Variants in CDC42SE1 observed in about 807,000 individuals in gnomAD.
The protein encoded by CDC42SE1 is CDC42 small effector 1, also known as CDC42 small effector protein 1.
CDC42SE1 carries 10 observed loss-of-function variants against 10.9 expected under a neutral mutation model. That is an observed-to-expected ratio of 0.92 (90% confidence interval 0.57 to 1.56). The LOEUF (loss-of-function observed/expected upper bound fraction) is 1.56, where lower values mean the gene tolerates loss of function less well. CDC42SE1 is among the 40% of genes most tolerant of loss of function. The pLI is 0.00. For synonymous variants in CDC42SE1, 24 were observed against 32.0 expected (o/e 0.75, Z 0.85); for missense variants, 81 against 100.8 (o/e 0.80, Z 0.84).
Position 151,054,286 on chromosome 1 carries a change from T to A in CDC42SE1, c.201A>T (p.Gly67=). The part of the protein sequence containing the change: ...GAVQEQMRSK[G]NRDRPWSNSR... ...AATTGCTCCATGGCCTATCTCGGTTTCCCTTGGATCTCATCTGCTCCTGAA... is the reference window on the plus strand; with the variant it reads ...AATTGCTCCATGGCCTATCTCGGTTACCCTTGGATCTCATCTGCTCCTGAA... The change falls in exon 4 of 5, where the codon GGA becomes GGT. Residue 67 remains glycine (G), a synonymous_variant. Coordinates refer to ENST00000357235, the MANE Select transcript of CDC42SE1 (RefSeq NM_020239.4). 6.2e-7 allele frequency: 1 copy of A among 1,613,990 alleles called. No individual in the cohort carries two copies. The highest frequency in any genetic ancestry group is 1.6e-4 in the Middle Eastern group (1 of 6,062).
rs587600942 is a variant in CDC42SE1 at position 151,051,300 on chromosome 1, T to G, written c.*2044A>C. 1 of 143,372 alleles carries G rather than the reference T, an allele frequency of 7.0e-6. No homozygotes were observed. The highest frequency in any genetic ancestry group is 2.6e-5 in the African/African-American group (1 of 38,674). 8.9% of individuals were successfully genotyped at this position (143,372 alleles called of 1,614,324 possible). On this transcript the variant is annotated 3_prime_UTR_variant, in exon 5 of 5. Transcript: ENST00000357235. The stretch of plus-strand genomic sequence containing the variant: ...TTTAGAGCAACAAGCTGGGTTACTT[T>G]CAGAGCAACCAGCTTGACTGGAACT...
Position 151,057,696 on chromosome 1 carries a change from A to T in CDC42SE1, c.-263-1703T>A, listed in dbSNP as rs1433354655. On this transcript the variant is annotated intron_variant, in intron 1 of 4. Coordinates refer to ENST00000357235, the MANE Select transcript of CDC42SE1 (RefSeq NM_020239.4). This position sits in a 1 kb window ranked among gnomAD's most constrained non-coding sequence, Gnocchi z 4.0. Reference sequence around the variant, plus strand: ...GGACAAGACCCTGTCTCAAATACAAAACACACACACACACACACACACACA... The same window carrying T: ...GGACAAGACCCTGTCTCAAATACAATACACACACACACACACACACACACA... 1 of 138,450 alleles carries T rather than the reference A, an allele frequency of 7.2e-6. No homozygotes were observed. Among genetic ancestry groups the T allele is most frequent in the Admixed American group, 7.2e-5 (1 of 13,844 alleles). 8.6% of individuals were successfully genotyped at this position (138,450 alleles called of 1,614,324 possible).
Position 151,055,837 on chromosome 1 carries a change from T to C in CDC42SE1, c.-107A>G. On this transcript the variant is annotated 5_prime_UTR_variant, in exon 2 of 5. Coordinates refer to ENST00000357235, the MANE Select transcript of CDC42SE1 (RefSeq NM_020239.4). ...ACTCTCCCCAGATACACCACCACCC[T>C]GGGTTCACTCAGCTGGATGGGTCCA... 1 of 921,362 alleles carries C rather than the reference T, an allele frequency of 1.1e-6. No homozygotes were observed. Among genetic ancestry groups the C allele is most frequent in the Middle Eastern group, 2.2e-4 (1 of 4,638 alleles). The allele number at this position is 921,362 out of a possible 1,614,324, so 57.1% of individuals were successfully genotyped here. A position where few individuals can be genotyped will look rare whatever the true frequency, so the allele number is the denominator to read the frequency against.
chr1:151,058,967 A>T (rs1385646848), intron 1 of CDC42SE1: 1 of 152,310 alleles, frequency 6.6e-6, no homozygotes, highest in Non-Finnish European at 1.5e-5. Flanking sequence ...ACCCCGAGAC[A>T]TGGAGGGCTG....
chr1:151,051,790 A>C lies in CDC42SE1; in HGVS notation c.*1554T>G, dbSNP rs1213206513. 1 of 152,514 alleles carries C rather than the reference A, an allele frequency of 6.6e-6. No individual in the cohort carries two copies. Among genetic ancestry groups the C allele is most frequent in the East Asian group, 1.9e-4 (1 of 5,188 alleles). The allele number at this position is 152,514 out of a possible 1,614,324, so 9.4% of individuals were successfully genotyped here. On this transcript the variant is annotated 3_prime_UTR_variant, in exon 5 of 5. Coordinates refer to ENST00000357235, the MANE Select transcript of CDC42SE1 (RefSeq NM_020239.4). ...GTCTAGGACTAGGGCACAGAAATAG[A>C]GCTTAAAATTTGGGGAGGATAAGGA...
Position 151,057,247 on chromosome 1 carries a change from C to T in CDC42SE1, c.-263-1254G>A, listed in dbSNP as rs1676296020. On this transcript the variant is annotated intron_variant, in intron 1 of 4. Coordinates refer to ENST00000357235, the MANE Select transcript of CDC42SE1 (RefSeq NM_020239.4). This position sits in a 1 kb window ranked among gnomAD's most constrained non-coding sequence, Gnocchi z 4.0. ...ATTTAAAAACAAGAGATAGGCCGGG[C>T]GTGGTGGCTCACGCCTGTAATCCCA... Among the ~76,000 whole-genome samples, 1 of 152,212 alleles carries T rather than the reference C, an allele frequency of 6.6e-6. No homozygotes were observed. Among genetic ancestry groups the T allele is most frequent in the Non-Finnish European group, 1.5e-5 (1 of 68,030 alleles).
chr1:151,051,222 C>T lies in CDC42SE1; in HGVS notation c.*2122G>A, dbSNP rs970359359. The T allele has an allele frequency of 2.0e-5, 3 of 151,812 alleles. No homozygotes were observed. Among genetic ancestry groups the T allele is most frequent in the Middle Eastern group, 3.2e-3 (1 of 316 alleles). The allele number at this position is 151,812 out of a possible 1,614,324, so 9.4% of individuals were successfully genotyped here. A position where few individuals can be genotyped will look rare whatever the true frequency, so the allele number is the denominator to read the frequency against. Reference sequence around the variant, plus strand: ...TCTAGGAGTCTCTAACCTTTCCACCCTATCCTGTTAACCCTTTAGATCTCT... The same window carrying T: ...TCTAGGAGTCTCTAACCTTTCCACCTTATCCTGTTAACCCTTTAGATCTCT... On this transcript the variant is annotated 3_prime_UTR_variant, in exon 5 of 5. Transcript: ENST00000357235.
At chr1:151,054,605 C>G (rs1676246047) in intron 3 of CDC42SE1, among the ~76,000 whole-genome samples, 1 of 152,162 alleles carries the variant, frequency 6.6e-6, no homozygotes, top group African/African-American at 2.4e-5. Context: ...GACCCATTTC[C>G]CTTATTTTGG....
chr1:151,054,196 G>T, intron 4 of CDC42SE1, 35 bp downstream of exon 4: 2 of 1,303,140 alleles, frequency 1.5e-6, no homozygotes, highest in Non-Finnish European at 2.2e-6. Flanking sequence ...TGTTATGGGG[G>T]CTGAGGTGTT....
At position 151,054,399 on chromosome 1, in the gene CDC42SE1, G is replaced by T. The variant is rs587757536; in HGVS notation, c.166-78C>A. ...AGAACTCTACTTTGTGCCTTCCAGG[G>T]AAGAGGCTGACGCCATCTCCTTGAC... On this transcript the variant is annotated intron_variant, in intron 3 of 4. Transcript: ENST00000357235. The T allele has an allele frequency of 7.8e-6, 9 of 1,157,540 alleles. No homozygotes were observed. The East Asian group carries it at 1.4e-4, about 18-fold the overall frequency. 71.7% of individuals were successfully genotyped at this position (1,157,540 alleles called of 1,614,324 possible).
chr1:151,053,777 C>T (rs116599868), intron 4 of CDC42SE1, among the ~76,000 whole-genome samples: 1,841 of 152,096 alleles, frequency 0.012, 50 homozygotes, highest in African/African-American at 0.042. Flanking sequence ...CCACCATGCC[C>T]GGCCTAGATC....
At chr1:151,056,628 GTC>G (rs1676282802) in intron 1 of CDC42SE1, 4 of 58,530 alleles carry the variant, frequency 6.8e-5, no homozygotes, top group African/African-American at 2.0e-4. Context: ...CCAGAAGCCA[GTC>G]AGCAGCAGTT....
rs1676310780 is a variant in CDC42SE1, at chr1:151,057,715, ACACACACACAC to A, written c.-263-1733_-263-1723del. ...ATACAAAACACACACACACACACACACACACACACACACACACACACACAGAGGTTTTTTTT... is the reference window on the plus strand; with the variant it reads ...ATACAAAACACACACACACACACACAACACACACACACAGAGGTTTTTTTT... On this transcript the variant is annotated intron_variant, in intron 1 of 4. Coordinates refer to ENST00000357235, the MANE Select transcript of CDC42SE1 (RefSeq NM_020239.4). This position sits in a 1 kb window ranked among gnomAD's most constrained non-coding sequence, Gnocchi z 4.0. 1 of 141,864 alleles carries A rather than the reference ACACACACACAC, an allele frequency of 7.0e-6. No individual in the cohort carries two copies. Among genetic ancestry groups the A allele is most frequent in the Admixed American group, 6.8e-5 (1 of 14,674 alleles). The allele number at this position is 141,864 out of a possible 1,614,324, so 8.8% of individuals were successfully genotyped here.
Position 151,053,267 on chromosome 1 carries a change from CTGGTA to C in CDC42SE1, c.*72_*76del, listed in dbSNP as rs1676217335. The stretch of plus-strand genomic sequence containing the variant: ...TTAGATCACTGGTTCAAGGAGGGAT[CTGGTA>C]GGGGCAGCATTTCTTCTGGGCTGGA... On this transcript the variant is annotated 3_prime_UTR_variant, in exon 5 of 5. Coordinates refer to ENST00000357235, the MANE Select transcript of CDC42SE1 (RefSeq NM_020239.4). The C allele has an allele frequency of 1.3e-5, 2 of 152,614 alleles. No homozygotes were observed. The allele number at this position is 152,614 out of a possible 1,614,324, so 9.5% of individuals were successfully genotyped here.
chr1:151,054,115 G>A lies in CDC42SE1; in HGVS notation c.*16+116C>T, dbSNP rs1192993097. ...TAAAGTGCTGGGATTACAGGCATAA[G>A]CCACCATGCCCGGCCACACCTCCCT... On this transcript the variant is annotated intron_variant, in intron 4 of 4. Transcript: ENST00000357235. 4 of 728,444 alleles carry A rather than the reference G, an allele frequency of 5.5e-6. No homozygotes were observed. In the East Asian group the frequency reaches 1.0e-4, roughly 18 times the overall value. 45.1% of individuals were successfully genotyped at this position (728,444 alleles called of 1,614,324 possible).
chr1:151,055,821 A>T lies in CDC42SE1; in HGVS notation c.-91T>A. On this transcript the variant is annotated 5_prime_UTR_variant, in exon 2 of 5. Coordinates refer to ENST00000357235, the MANE Select transcript of CDC42SE1 (RefSeq NM_020239.4). ...GGACAACCCACTCCTCACTCTCCCC[A>T]GATACACCACCACCCTGGGTTCACT... is the stretch of plus-strand genomic sequence containing the variant. The T allele has an allele frequency of 9.4e-7, 1 of 1,058,586 alleles. No homozygotes were observed. The highest frequency in any genetic ancestry group is 1.4e-6 in the Non-Finnish European group (1 of 692,664). 65.6% of individuals were successfully genotyped at this position (1,058,586 alleles called of 1,614,324 possible). A position where few individuals can be genotyped will look rare whatever the true frequency, so the allele number is the denominator to read the frequency against.
Position 151,057,152 on chromosome 1 carries a change from C to T in CDC42SE1, c.-263-1159G>A, listed in dbSNP as rs2102976740. ...AAAAAGGGCAGTTTCATAAATATGA[C>T]ACTTTAACATGAACAGGAATCTCCC... On this transcript the variant is annotated intron_variant, in intron 1 of 4. Transcript: ENST00000357235. This position sits in a 1 kb window ranked among gnomAD's most constrained non-coding sequence, Gnocchi z 4.0. Among the ~76,000 whole-genome samples the T allele has an allele frequency of 6.6e-6, 1 of 152,318 alleles. No individual in the cohort carries two copies. Among genetic ancestry groups the T allele is most frequent in the East Asian group, 1.9e-4 (1 of 5,190 alleles).
intron 3 of CDC42SE1, 39 bp downstream of exon 3, chr1:151,054,977 C>T: frequency 7.1e-7 from 1 of 1,412,936 alleles, no homozygotes; most frequent in Non-Finnish European, 1.0e-6. Context: ...CGGTTATAGA[C>T]CTCACCCCTG....
chr1:151,054,149 T>G, intron 4 of CDC42SE1, 82 bp downstream of exon 4: 3 of 913,848 alleles, frequency 3.3e-6, no homozygotes, highest in Non-Finnish European at 5.3e-6. Context: ...CTTTCTTGCA[T>G]AAGATCAGGG....
Sources: allele counts gnomAD v4.1 joint callset (sites outside exome capture counted in the v4.1 genomes callset), GRCh38; gene constraint gnomAD v4.1.1; non-coding constraint Gnocchi (gnomAD v3.1); transcripts MANE v1.5; gene names NCBI Gene and HGNC (gene_info 2026-07-23, HGNC 2026-07-21).